SLC4A4: variants seen among roughly 807,000 people sequenced by gnomAD.
The protein encoded by SLC4A4 is electrogenic sodium bicarbonate cotransporter 1.
Under a neutral mutation model 111.5 loss-of-function variants are expected in SLC4A4, and 27 were observed. That is an observed-to-expected ratio of 0.24 (90% confidence interval 0.18 to 0.33). SLC4A4 has a LOEUF of 0.33. Ranked by LOEUF, SLC4A4 falls within the 10% of genes least tolerant of loss-of-function variation. SLC4A4 has a pLI of 1.00. For missense variants in SLC4A4, 909 were observed against 1,315.5 expected (o/e 0.69, Z 4.78); for synonymous variants, 443 against 463.4 (o/e 0.96, Z 0.57).
intron 1 of SLC4A4, among the ~76,000 whole-genome samples, chr4:71,197,913 GAAGA>G (rs747828242): frequency 6.6e-6 from 1 of 152,184 alleles, no homozygotes; most frequent in African/African-American, 2.4e-5. Context: ...AGGCAAGAAG[GAAGA>G]GTCATTCATT....
At chr4:71,473,304 AAAT>A (rs1728059954) in intron 14 of SLC4A4, 6 of 583,634 alleles carry the variant, frequency 1.0e-5, no homozygotes, top group Middle Eastern at 9.1e-4. Context: ...TAACAGATAT[AAAT>A]ATGTGACAAA....
intron 2 of SLC4A4, among the ~76,000 whole-genome samples, chr4:71,142,458 G>C (rs1744025016): frequency 6.6e-6 from 1 of 152,152 alleles, no homozygotes; most frequent in Non-Finnish European, 1.5e-5. Flanking sequence ...GCTGCTCCCT[G>C]TTTTAGGAGA....
intron 15 of SLC4A4, among the ~76,000 whole-genome samples, chr4:71,493,959 G>T (rs562964851): frequency 6.6e-6 from 1 of 152,004 alleles, no homozygotes; most frequent in South Asian, 2.1e-4. Context: ...TCACTCTGAT[G>T]ACTTTTTCAT....
At chr4:71,187,751 C>G (rs1330395435) in intron 1 of SLC4A4, among the ~76,000 whole-genome samples, 2 of 152,186 alleles carry the variant, frequency 1.3e-5, no homozygotes, top group African/African-American at 4.8e-5. Flanking sequence ...CTCAGTGACA[C>G]GTGTGTTGCT....
At chr4:71,399,008 T>C (rs1252208281) in intron 7 of SLC4A4, among the ~76,000 whole-genome samples, 2 of 152,188 alleles carry the variant, frequency 1.3e-5, no homozygotes, top group African/African-American at 2.4e-5. Context: ...TACAGACTTT[T>C]TTTTTGTTGT....
intron 16 of SLC4A4, among the ~76,000 whole-genome samples, chr4:71,515,493 G>A (rs931887417): frequency 6.6e-6 from 1 of 152,098 alleles, no homozygotes; most frequent in Non-Finnish European, 1.5e-5. Context: ...GGTTCATTTG[G>A]TCTAAAGTTC....
At chr4:71,478,613 T>C (rs1728586175) in intron 14 of SLC4A4, among the ~76,000 whole-genome samples, 1 of 150,766 alleles carries the variant, frequency 6.6e-6, no homozygotes, top group African/African-American at 2.4e-5. Flanking sequence ...TGTTAGGGGG[T>C]TGGGGGCAAG....
intron 3 of SLC4A4, among the ~76,000 whole-genome samples, chr4:71,270,025 A>G (rs1411550588): frequency 6.6e-6 from 1 of 152,206 alleles, no homozygotes; most frequent in African/African-American, 2.4e-5. Flanking sequence ...ATTAGTTATT[A>G]TCATTAAGTA....
chr4:71,074,405 A>G (rs1488848511), intron 1 of SLC4A4, among the ~76,000 whole-genome samples: 1 of 152,210 alleles, frequency 6.6e-6, no homozygotes, highest in Non-Finnish European at 1.5e-5. Flanking sequence ...TAGAAATATA[A>G]TTCACCAGGA....
intron 7 of SLC4A4, among the ~76,000 whole-genome samples, chr4:71,429,633 G>A (rs1445908668): frequency 6.6e-6 from 1 of 152,082 alleles, no homozygotes; most frequent in African/African-American, 2.4e-5. Context: ...TTGAATAATT[G>A]TAGTACCACA....
chr4:71,325,682 G>T (rs756282956), intron 3 of SLC4A4, among the ~76,000 whole-genome samples: 14 of 151,994 alleles, frequency 9.2e-5, no homozygotes, highest in Non-Finnish European at 1.8e-4. Flanking sequence ...CAGGTCAACT[G>T]CCCACTCAAA....
rs369970583 is a variant in SLC4A4 at position 71,466,966 on chromosome 4, G to GAGAGAGAGAGAGAGA, written c.1631+389_1631+390insAGAGAGAGAGAGAGA. On this transcript the variant is annotated intron_variant, in intron 13 of 25. Coordinates refer to ENST00000264485, the MANE Select transcript of SLC4A4 (RefSeq NM_001098484.3). ...GAGAGAGAGAGAGAGAGAGAGAGAG[G>GAGAGAGAGAGAGAGA]GAGAGAGAGAGAGGTCTGAGTATGT... Among the ~76,000 whole-genome samples, 421 of 88,444 alleles carry GAGAGAGAGAGAGAGA rather than the reference G, an allele frequency of 4.8e-3. 18 individuals are homozygous for GAGAGAGAGAGAGAGA. The highest frequency in any genetic ancestry group is 9.9e-3 in the East Asian group (23 of 2,334). 58.0% of individuals were successfully genotyped at this position (88,444 alleles called of 152,430 possible). A position where few individuals can be genotyped will look rare whatever the true frequency, so the allele number is the denominator to read the frequency against.
intron 1 of SLC4A4, among the ~76,000 whole-genome samples, chr4:71,224,192 C>G (rs528718939): frequency 4.6e-5 from 7 of 152,276 alleles, no homozygotes; most frequent in African/African-American, 1.4e-4. Flanking sequence ...GAGCCTGATC[C>G]TCTCAGTCCC....
Position 71,472,291 on chromosome 4 carries a change from G to A in SLC4A4, c.1632-408G>A, listed in dbSNP as rs28535057. On this transcript the variant is annotated intron_variant, in intron 13 of 25. Transcript: ENST00000264485. The stretch of plus-strand genomic sequence containing the variant: ...CCTCAGTAGACCGTGATGACATAGG[G>A]ACAGAAAATATATTGATCTTCATGT... 8.3e-3 allele frequency among the ~76,000 whole-genome samples: 1,265 copies of A among 151,892 alleles called. 15 individuals are homozygous for A. Among genetic ancestry groups the A allele is most frequent in the African/African-American group, 0.029 (1,192 of 41,482 alleles).
intron 1 of SLC4A4, among the ~76,000 whole-genome samples, chr4:71,202,952 C>T: frequency 6.8e-6 from 1 of 146,200 alleles, no homozygotes; most frequent in East Asian, 1.9e-4. Flanking sequence ...GAGCCAAGAA[C>T]CTAATGGAAA....
intron 7 of SLC4A4, among the ~76,000 whole-genome samples, chr4:71,407,251 T>A (rs567421681): frequency 5.3e-5 from 8 of 152,218 alleles, no homozygotes; most frequent in Admixed American, 2.6e-4. Context: ...TAATAAAAAA[T>A]TTTTAAGGGT....
chr4:71,123,310 T>C (rs1444830126), intron 2 of SLC4A4, among the ~76,000 whole-genome samples: 1 of 152,176 alleles, frequency 6.6e-6, no homozygotes, highest in Non-Finnish European at 1.5e-5. Flanking sequence ...AACCATTACA[T>C]TGTAATATGC....
At chr4:71,410,028 ACC>A (rs1721223978) in intron 7 of SLC4A4, among the ~76,000 whole-genome samples, 5 of 152,204 alleles carry the variant, frequency 3.3e-5, no homozygotes, top group African/African-American at 1.2e-4. Context: ...AGGTTTGGGA[ACC>A]TCTGCCTAGA....
chr4:71,507,384 A>T (rs1391249506), intron 16 of SLC4A4, among the ~76,000 whole-genome samples: 1 of 152,226 alleles, frequency 6.6e-6, no homozygotes, highest in Non-Finnish European at 1.5e-5. Flanking sequence ...GGCTTAAAAT[A>T]AAAGGATGGA....
Sources: gnomAD v4.1 joint callset for allele counts (sites outside exome capture counted in the v4.1 genomes callset) on GRCh38, gnomAD v4.1.1 for gene constraint, MANE v1.5 for transcripts, NCBI Gene and HGNC (gene_info 2026-07-23, HGNC 2026-07-21) for gene names.